Variants in VARS2 observed in about 807,000 individuals in gnomAD.
VARS2 encodes the protein valine--tRNA ligase, mitochondrial.
In VARS2, 105 loss-of-function variants were observed where a neutral mutation model predicts 154.1. The ratio of observed to expected loss-of-function variants is 0.68; its 90% confidence interval spans 0.58 to 0.80. VARS2 has a LOEUF of 0.80. VARS2 is among the 30% of genes least tolerant of loss of function. VARS2 has a pLI of 0.00. For synonymous variants in VARS2, 483 were observed against 539.5 expected (o/e 0.90, Z 1.45); for missense variants, 1,157 against 1,361.4 (o/e 0.85, Z 2.36).
chr6:30,923,919 G>A (rs1794688088), intron 25 of VARS2: 4 of 326,874 alleles, frequency 1.2e-5, no homozygotes, highest in Non-Finnish European at 2.3e-5. Flanking sequence ...CTTGTTGACG[G>A]TGGATCCCCC....
In VARS2 at chr6:30,920,461, T is replaced by TA. The variant is rs753272745; in HGVS notation, c.1397+27dup. On this transcript the variant is annotated intron_variant, in intron 14 of 29. Transcript: ENST00000676266. This position sits in a 1 kb window ranked among gnomAD's most constrained non-coding sequence, Gnocchi z 4.6. ...GGTAACCTCATTTTAACTCCTTTAC[T>TA]AAGGGCTACCCCAAAAGGGAATGTA... is the stretch of plus-strand genomic sequence containing the variant. The TA allele has an allele frequency of 1.3e-6, 2 of 1,583,126 alleles. No homozygotes were observed. The highest frequency in any genetic ancestry group is 1.7e-6 in the Non-Finnish European group (2 of 1,166,004).
Position 30,914,255 on chromosome 6 carries a change from G to T in VARS2, c.-117G>T. The T allele has an allele frequency of 1.3e-6, 1 of 786,146 alleles. No individual in the cohort carries two copies. The highest frequency in any genetic ancestry group is 1.8e-5 in the African/African-American group (1 of 56,228). The allele number at this position is 786,146 out of a possible 1,614,324, so 48.7% of individuals were successfully genotyped here. A position where few individuals can be genotyped will look rare whatever the true frequency, so the allele number is the denominator to read the frequency against. ...GGGGCCCCGCCCCCATGCGCCGCGC[G>T]GCTCCAGGGCCACGTTCCAGGGTCG... On this transcript the variant is annotated 5_prime_UTR_variant, in exon 1 of 30. Transcript: ENST00000676266.
chr6:30,914,585 T>A (rs1383939083), intron 1 of VARS2: 30 of 1,273,006 alleles, frequency 2.4e-5, no homozygotes, highest in Non-Finnish European at 2.9e-5. Flanking sequence ...CACCGCCGAA[T>A]CCAGACACTC....
rs766579169 is a variant in VARS2 at position 30,920,826 on chromosome 6, G to A, written c.1479+77G>A. ...GAGAATTGGAATGAAGAAATGGGAA[G>A]CAGGAGACCTCCTGCCCTGAAGACC... On this transcript the variant is annotated intron_variant, in intron 15 of 29. Coordinates refer to ENST00000676266, the MANE Select transcript of VARS2 (RefSeq NM_020442.6). This position sits in a 1 kb window ranked among gnomAD's most constrained non-coding sequence, Gnocchi z 4.6. 2.4e-5 allele frequency: 32 copies of A among 1,312,674 alleles called. No individual in the cohort carries two copies. The highest frequency in any genetic ancestry group is 3.0e-5 in the Non-Finnish European group (29 of 965,842). 81.3% of individuals were successfully genotyped at this position (1,312,674 alleles called of 1,614,324 possible). A position where few individuals can be genotyped will look rare whatever the true frequency, so the allele number is the denominator to read the frequency against.
At position 30,914,788 on chromosome 6, in the gene VARS2, G is replaced by A. The variant is rs185605280; in HGVS notation, c.-27-22G>A. The A allele has an allele frequency of 5.6e-6, 9 of 1,601,716 alleles. No individual in the cohort carries two copies. Among genetic ancestry groups the A allele is most frequent in the African/African-American group, 2.7e-5 (2 of 74,730 alleles). On this transcript the variant is annotated intron_variant, in intron 1 of 29. Transcript: ENST00000676266. ...CTTCTCCACCCCCATATCCTAATGT[G>A]CTCTCTCTCTATCCAGAACAGATCT...
chr6:30,914,573 G>T, intron 1 of VARS2: 1 of 1,319,506 alleles, frequency 7.6e-7, no homozygotes, highest in Admixed American at 3.4e-5. Context: ...TGTGTCAGTG[G>T]TCACCGCCGA....
In VARS2 at chr6:30,915,244, A is replaced by G. The variant is rs1562446244; in HGVS notation, c.283+7A>G. 1.9e-6 allele frequency: 3 copies of G among 1,613,996 alleles called. No homozygotes were observed. Among genetic ancestry groups the G allele is most frequent in the Non-Finnish European group, 2.5e-6 (3 of 1,179,816 alleles). Reference sequence around the variant, plus strand: ...AAACCCGGTGAAAAGAAAGGTAAGTAGAATAAGTAAGAAGGCCTTTTCTTT... The same window carrying G: ...AAACCCGGTGAAAAGAAAGGTAAGTGGAATAAGTAAGAAGGCCTTTTCTTT... On this transcript the variant is annotated splice_region_variant and intron_variant, in intron 3 of 29. Coordinates refer to ENST00000676266, the MANE Select transcript of VARS2 (RefSeq NM_020442.6).
At position 30,917,161 on chromosome 6, in the gene VARS2, G is replaced by A. The variant is rs749608452; in HGVS notation, c.810G>A (p.Leu270=). The change falls in exon 9 of 30, where the codon CTG becomes CTA. Residue 270 remains leucine (L), a synonymous_variant. Transcript: ENST00000676266. This position sits in a 1 kb window ranked among gnomAD's most constrained non-coding sequence, Gnocchi z 4.4. ...TGCGGCTCTACAAGGCGGGGTTGCT[G>A]TACCGGAACCATCAGCTTGTCAACT... ...AFVRLYKAGL[L]YRNHQLVNWS... The A allele has an allele frequency of 8.1e-6, 13 of 1,614,092 alleles. No individual in the cohort carries two copies. Among genetic ancestry groups the A allele is most frequent in the African/African-American group, 1.3e-5 (1 of 74,926 alleles).
In VARS2 at chr6:30,920,954, T is replaced by G. The variant is rs1438338960; in HGVS notation, c.1480-111T>G. The G allele has an allele frequency of 5.4e-6, 7 of 1,288,590 alleles. No individual in the cohort carries two copies. The highest frequency in any genetic ancestry group is 7.4e-6 in the Non-Finnish European group (7 of 946,624). The allele number at this position is 1,288,590 out of a possible 1,614,324, so 79.8% of individuals were successfully genotyped here. On this transcript the variant is annotated intron_variant, in intron 15 of 29. Coordinates refer to ENST00000676266, the MANE Select transcript of VARS2 (RefSeq NM_020442.6). The surrounding 1 kb of genome is among the most constrained non-coding windows in gnomAD (Gnocchi z 4.6). ...CAAGCCCAGAATCTTGGCAAGAGGC[T>G]TGGGAGGTCCTTTCTGAGTTTTAAA...
At position 30,919,678 on chromosome 6, in the gene VARS2, T is replaced by G; in HGVS notation, c.1075-80T>G. 8.9e-7 allele frequency: 1 copy of G among 1,124,688 alleles called. No homozygotes were observed. The highest frequency in any genetic ancestry group is 1.2e-6 in the Non-Finnish European group (1 of 826,726). 69.7% of individuals were successfully genotyped at this position (1,124,688 alleles called of 1,614,324 possible). A position where few individuals can be genotyped will look rare whatever the true frequency, so the allele number is the denominator to read the frequency against. ...TACCTTCCACTTTCTACCTTCTTATTCCTGGGGTTCTCACGCCCCAGCCCA... is the reference window on the plus strand; with the variant it reads ...TACCTTCCACTTTCTACCTTCTTATGCCTGGGGTTCTCACGCCCCAGCCCA... On this transcript the variant is annotated intron_variant, in intron 11 of 29. Coordinates refer to ENST00000676266, the MANE Select transcript of VARS2 (RefSeq NM_020442.6). This position sits in a 1 kb window ranked among gnomAD's most constrained non-coding sequence, Gnocchi z 4.5.
intron 19 of VARS2, 38 bp downstream of exon 19, chr6:30,922,033 G>A (rs374677493): frequency 2.4e-5 from 39 of 1,612,806 alleles, no homozygotes; most frequent in African/African-American, 4.0e-5. Flanking sequence ...AAGGGGAAAC[G>A]ATAAGGAAGG....
Position 30,923,179 on chromosome 6 carries a change from G to C in VARS2, c.2261G>C (p.Arg754Pro), listed in dbSNP as rs1244836047. ...HFCNKIWNAL[R>P]FILNALGEKF... ...TGCAACAAGATCTGGAATGCTCTTC[G>C]CTTTATCCTCAATGCTTTAGGGGAG... is the stretch of plus-strand genomic sequence containing the variant. The change falls in exon 24 of 30, where the codon CGC (arginine) becomes CCC (proline). Residue 754 changes from arginine (R) to proline (P), a missense_variant. Coordinates refer to ENST00000676266, the MANE Select transcript of VARS2 (RefSeq NM_020442.6). The C allele has an allele frequency of 1.2e-6, 2 of 1,612,980 alleles. No homozygotes were observed. The highest frequency in any genetic ancestry group is 2.7e-5 in the African/African-American group (2 of 74,924).
In VARS2 at chr6:30,916,371, G is replaced by A. The variant is rs1794171442; in HGVS notation, c.671+122G>A. 2.4e-6 allele frequency: 2 copies of A among 825,432 alleles called. No homozygotes were observed. Among genetic ancestry groups the A allele is most frequent in the East Asian group, 2.7e-5 (1 of 37,164 alleles). 51.1% of individuals were successfully genotyped at this position (825,432 alleles called of 1,614,324 possible). On this transcript the variant is annotated intron_variant, in intron 7 of 29. Coordinates refer to ENST00000676266, the MANE Select transcript of VARS2 (RefSeq NM_020442.6). This position sits in a 1 kb window ranked among gnomAD's most constrained non-coding sequence, Gnocchi z 4.0. ...CCGACACAGCTCTGACTTCCTCAGA[G>A]ATGGAAGCTCTGGAGCCTGTTAACA...
rs1161463592 is a variant in VARS2 at position 30,925,896 on chromosome 6, A to C, written c.2978A>C (p.Gln993Pro). The change falls in exon 29 of 30, where the codon CAG becomes CCG. Residue 993 changes from glutamine to proline, a missense_variant. By Grantham distance (76) the Gln-to-Pro change is moderately conservative. Transcript: ENST00000676266. ...YMELQGLVDP[Q>P]IQLPLLAARR... is the part of the protein sequence containing the mutation. ...CTTCCCCAGGGCCTGGTGGACCCGC[A>C]GATCCAGCTACCTCTGTTAGCCGCC... 1.2e-6 allele frequency: 2 copies of C among 1,612,944 alleles called. No individual in the cohort carries two copies. The highest frequency in any genetic ancestry group is 2.2e-5 in the South Asian group (2 of 91,070).
At chr6:30,926,088 C>A in intron 29 of VARS2, 21 bp from the exon 30 acceptor site, 2 of 1,613,052 alleles carry the variant, frequency 1.2e-6, no homozygotes, top group Non-Finnish European at 1.7e-6. Context: ...TGGATCCTCA[C>A]CTCCTTTTCT....
At position 30,923,504 on chromosome 6, in the gene VARS2, TG is replaced by T; in HGVS notation, c.2466+1del. The stretch of plus-strand genomic sequence containing the variant: ...CTTCACAACCTCTGTGACGTCTACC[TG>T]GTGAGTGAGGCTGGGGGAGGCTTGG... ...FWLHNLCDVY[L>X]EAVKPVLWHS... On this transcript the variant is annotated frameshift_variant and splice_region_variant, in exon 25 of 30. Transcript: ENST00000676266. LOFTEE classifies it high-confidence loss of function. 1 of 1,608,380 alleles carries T rather than the reference TG, an allele frequency of 6.2e-7. No homozygotes were observed. Among genetic ancestry groups the T allele is most frequent in the Non-Finnish European group, 8.5e-7 (1 of 1,177,852 alleles).
At position 30,924,703 on chromosome 6, in the gene VARS2, G is replaced by A. The variant is rs1794736009; in HGVS notation, c.2673+143G>A. The A allele has an allele frequency of 2.1e-5, 13 of 605,718 alleles. No homozygotes were observed. In the Admixed American group the frequency reaches 3.5e-4, roughly 16 times the overall value. 37.5% of individuals were successfully genotyped at this position (605,718 alleles called of 1,614,324 possible). Reference sequence around the variant, plus strand: ...GGGGAAGATGGATTGTTCCTGCAGGGTTGCTGCGATGACCCTAGGGTCTTG... The same window carrying A: ...GGGGAAGATGGATTGTTCCTGCAGGATTGCTGCGATGACCCTAGGGTCTTG... On this transcript the variant is annotated intron_variant, in intron 26 of 29. Coordinates refer to ENST00000676266, the MANE Select transcript of VARS2 (RefSeq NM_020442.6).
Position 30,916,132 on chromosome 6 carries a change from T to G in VARS2, c.574-20T>G, listed in dbSNP as rs1794152964. 2 of 1,613,908 alleles carry G rather than the reference T, an allele frequency of 1.2e-6. No homozygotes were observed. Among genetic ancestry groups the G allele is most frequent in the South Asian group, 1.1e-5 (1 of 91,072 alleles). On this transcript the variant is annotated intron_variant, in intron 6 of 29. Coordinates refer to ENST00000676266, the MANE Select transcript of VARS2 (RefSeq NM_020442.6). This position sits in a 1 kb window ranked among gnomAD's most constrained non-coding sequence, Gnocchi z 4.0. The stretch of plus-strand genomic sequence containing the variant: ...ACCAAGCAACCTGACTCTGTTCATT[T>G]GCCCTGAATCCAACTGCAGGCTGTG...
Position 30,925,897 on chromosome 6 carries a change from G to C in VARS2, c.2979G>C (p.Gln993His), listed in dbSNP as rs1389551265. The C allele has an allele frequency of 6.2e-7, 1 of 1,612,976 alleles. No homozygotes were observed. The highest frequency in any genetic ancestry group is 8.5e-7 in the Non-Finnish European group (1 of 1,180,032). Residue 993 changes from glutamine (Q) to histidine (H), a missense_variant, in exon 29 of 30, where the codon CAG (glutamine) becomes CAC (histidine). Gln to His is a conservative substitution (Grantham distance 24). Transcript: ENST00000676266. Reference protein sequence around the residue: ...YMELQGLVDPQIQLPLLAARR... With the variant: ...YMELQGLVDPHIQLPLLAARR... Reference sequence around the variant, plus strand: ...TTCCCCAGGGCCTGGTGGACCCGCAGATCCAGCTACCTCTGTTAGCCGCCC... The same window carrying C: ...TTCCCCAGGGCCTGGTGGACCCGCACATCCAGCTACCTCTGTTAGCCGCCC...
Sources: gnomAD v4.1 joint callset for allele counts on GRCh38, gnomAD v4.1.1 for gene constraint, Gnocchi (gnomAD v3.1) non-coding constraint, MANE v1.5 for transcripts, NCBI Gene and HGNC (gene_info 2026-07-23, HGNC 2026-07-21) for gene names.